Variants in SERPINB12 observed in about 807,000 individuals in gnomAD.
SERPINB12 encodes serpin family B member 12, also known as serpin B12.
In SERPINB12, 57 loss-of-function variants were observed where a neutral mutation model predicts 41.1. The observed-to-expected ratio is 1.39, with a 90% CI of 1.12 to 1.73. The LOEUF is 1.73. SERPINB12 is among the 40% of genes most tolerant of loss of function. The pLI, the probability that SERPINB12 is intolerant of heterozygous loss-of-function variation, is 0.00. For synonymous variants in SERPINB12, 180 were observed against 181.3 expected (o/e 0.99, Z 0.06); for missense variants, 536 against 501.9 (o/e 1.07, Z -0.65).
chr18:63,546,966 C>T (rs1224672278), intron 1 of SERPINB12, among the ~76,000 whole-genome samples: 1 of 152,024 alleles, frequency 6.6e-6, no homozygotes, highest in Non-Finnish European at 1.5e-5. Context: ...GCTCGAATTG[C>T]CTGATATAAT....
intron 2 of SERPINB12, among the ~76,000 whole-genome samples, chr18:63,557,534 T>C (rs918878148): frequency 3.3e-5 from 5 of 152,376 alleles, no homozygotes; most frequent in East Asian, 1.9e-4. Flanking sequence ...GTAGAATTTA[T>C]GGATTAAGAC....
the SERPINB12 span, among the ~76,000 whole-genome samples, chr18:63,523,146 A>G: frequency 6.6e-6 from 1 of 152,214 alleles, no homozygotes; most frequent in East Asian, 1.9e-4. Context: ...AAGCCTGCCA[A>G]AAATGTCAAA....
chr18:63,533,070 C>T, the SERPINB12 span, among the ~76,000 whole-genome samples: 3,362 of 152,168 alleles, frequency 0.022, 51 homozygotes, highest in Non-Finnish European at 0.028. Flanking sequence ...CTCCACCTCC[C>T]GGGTTCTAGG....
intron 1 of SERPINB12, among the ~76,000 whole-genome samples, chr18:63,543,823 G>C (rs1281821053): frequency 6.6e-6 from 1 of 152,098 alleles, no homozygotes; most frequent in African/African-American, 2.4e-5. Context: ...TGCCATGTTG[G>C]CCAGGCTGGT....
At chr18:63,543,665 G>A (rs770768791) in intron 1 of SERPINB12, among the ~76,000 whole-genome samples, 1 of 151,768 alleles carries the variant, frequency 6.6e-6, no homozygotes, top group Non-Finnish European at 1.5e-5. Flanking sequence ...CGTGATCTTG[G>A]CTTACAGCAA....
the SERPINB12 span, among the ~76,000 whole-genome samples, chr18:63,523,756 A>G: frequency 2.6e-5 from 4 of 152,212 alleles, no homozygotes; most frequent in Non-Finnish European, 5.9e-5. Flanking sequence ...AGATTAATAA[A>G]TGGAAAAAAA....
chr18:63,525,681 T>C, the SERPINB12 span, among the ~76,000 whole-genome samples: 1 of 152,144 alleles, frequency 6.6e-6, no homozygotes, highest in Non-Finnish European at 1.5e-5. Context: ...ATCCAACTTA[T>C]AGTTACCAAA....
intron 5 of SERPINB12, 148 bp from the exon 6 acceptor site, chr18:63,563,830 A>T: frequency 1.7e-6 from 1 of 588,332 alleles, no homozygotes; most frequent in East Asian, 3.4e-5. Context: ...CAGAAGGCAG[A>T]GGTTGCAGTG....
intron 1 of SERPINB12, among the ~76,000 whole-genome samples, chr18:63,555,536 T>A (rs1910645044): frequency 6.6e-6 from 1 of 152,206 alleles, no homozygotes; most frequent in Non-Finnish European, 1.5e-5. Flanking sequence ...CTTCTACCTG[T>A]GAATATGACC....
At chr18:63,522,132 A>C in the SERPINB12 span, among the ~76,000 whole-genome samples, 1 of 152,254 alleles carries the variant, frequency 6.6e-6, no homozygotes, top group Non-Finnish European at 1.5e-5. Context: ...CTGATCATTT[A>C]CATAGTGTGA....
chr18:63,556,064 G>A, intron 1 of SERPINB12, 78 bp from the exon 2 acceptor site: 1 of 1,001,840 alleles, frequency 1.0e-6, no homozygotes, highest in East Asian at 2.4e-5. Context: ...TGTATTTCAG[G>A]TATGTAAAAT....
the SERPINB12 span, among the ~76,000 whole-genome samples, chr18:63,529,735 G>A: frequency 6.6e-6 from 1 of 151,636 alleles, no homozygotes; most frequent in East Asian, 1.9e-4. Flanking sequence ...GGGTGGGAGA[G>A]GTGTTTAAAC....
Position 63,569,137 on chromosome 18 carries a change from A to ATTT in SERPINB12, c.*2133_*2135dup, listed in dbSNP as rs3216122. Among the ~76,000 whole-genome samples the ATTT allele has an allele frequency of 0.028, 4,294 of 151,198 alleles. 201 individuals carry two copies. Among genetic ancestry groups the ATTT allele is most frequent in the African/African-American group, 0.099 (4,072 of 41,146 alleles). On this transcript the variant is annotated 3_prime_UTR_variant, in exon 8 of 8. Transcript: ENST00000382768. ...TCTTATTCTTTTACTTGGTAAACACATTTTTTTTTCATTTACATCGGGATT... is the reference window on the plus strand; with the variant it reads ...TCTTATTCTTTTACTTGGTAAACACATTTTTTTTTTTTCATTTACATCGGGATT...
At chr18:63,557,749 T>G (rs2144335001) in intron 2 of SERPINB12, among the ~76,000 whole-genome samples, 1 of 152,312 alleles carries the variant, frequency 6.6e-6, no homozygotes, top group Middle Eastern at 3.4e-3. Context: ...CTCCTACCTT[T>G]CTACCAGGCT....
At chr18:63,543,442 A>C (rs555309131) in intron 1 of SERPINB12, among the ~76,000 whole-genome samples, 1 of 152,198 alleles carries the variant, frequency 6.6e-6, no homozygotes, top group Non-Finnish European at 1.5e-5. Context: ...ATGTATATGC[A>C]GTGCCTGACA....
the SERPINB12 span, among the ~76,000 whole-genome samples, chr18:63,523,828 G>A: frequency 4.6e-5 from 7 of 152,160 alleles, no homozygotes; most frequent in African/African-American, 1.4e-4. Context: ...AGCAAAAAGC[G>A]GTACTTTCTC....
intron 7 of SERPINB12, 107 bp from the exon 8 acceptor site, chr18:63,566,500 G>C (rs1460737160): frequency 1.1e-6 from 1 of 926,292 alleles, no homozygotes; most frequent in African/African-American, 1.7e-5. Flanking sequence ...GAAAGGTCTT[G>C]AAGGTTGTCA....
At chr18:63,563,857 T>G in intron 5 of SERPINB12, 121 bp from the exon 6 acceptor site, 1 of 904,436 alleles carries the variant, frequency 1.1e-6, no homozygotes, top group Non-Finnish European at 1.7e-6. Context: ...GATCACGCCA[T>G]TGCACTCCAG....
chr18:63,520,113 T>C, the SERPINB12 span, among the ~76,000 whole-genome samples: 3 of 152,192 alleles, frequency 2.0e-5, no homozygotes, highest in African/African-American at 7.2e-5. Context: ...TTTTCAGGTG[T>C]GAGGCTCTTG....
Sources: gnomAD v4.1 joint callset for allele counts (sites outside exome capture counted in the v4.1 genomes callset) on GRCh38, gnomAD v4.1.1 for gene constraint, MANE v1.5 for transcripts, NCBI Gene and HGNC (gene_info 2026-07-23, HGNC 2026-07-21) for gene names.